GIMAP6: variants seen among roughly 807,000 people sequenced by gnomAD.
GIMAP6 encodes the protein GTPase IMAP family member 6.
Under a neutral mutation model 9.3 loss-of-function variants are expected in GIMAP6, and 6 were observed. The ratio of observed to expected loss-of-function variants is 0.65; its 90% CI spans 0.35 to 1.27. The LOEUF (loss-of-function observed/expected upper bound fraction) is 1.27. Among genes scored for constraint, GIMAP6 ranks in the 50% most tolerant of loss-of-function variants. The pLI, the probability that GIMAP6 is intolerant of heterozygous loss-of-function variation, is 0.03. For missense variants in GIMAP6, 333 were observed against 359.5 expected (o/e 0.93, Z 0.60); for synonymous variants, 156 against 151.1 (o/e 1.03, Z -0.24).
rs151245597 is a variant in GIMAP6, at chr7:150,628,018, G to A, written c.580C>T (p.Arg194Trp). Reference protein sequence around the residue: ...ALAWLDVTLARRHCGFNNRAQ... With the variant: ...ALAWLDVTLAWRHCGFNNRAQ... Reference sequence around the variant, plus strand: ...CTGTTGTTGAAGCCGCAATGGCGCCGTGCAAGGGTCACATCCAGCCAGGCA... The same window carrying A: ...CTGTTGTTGAAGCCGCAATGGCGCCATGCAAGGGTCACATCCAGCCAGGCA... Residue 194 changes from arginine (R) to tryptophan (W), a missense_variant, in exon 3 of 3, where the codon CGG (arginine) becomes TGG (tryptophan). Transcript: ENST00000328902. The A allele has an allele frequency of 1.0e-4, 167 of 1,614,226 alleles. 1 individual carries two copies. The African/African-American group carries it at 1.2e-3, about 11-fold the overall frequency.
At chr7:150,628,858 A>G (rs979284589) in intron 2 of GIMAP6, 6 of 759,778 alleles carry the variant, frequency 7.9e-6, no homozygotes, top group Non-Finnish European at 1.2e-5. Flanking sequence ...CAGAGCACAT[A>G]AAGAAGTGAC....
In GIMAP6 at chr7:150,627,814, C is replaced by T. The variant is rs138414613; in HGVS notation, c.784G>A (p.Val262Met). ...QVSQGQGSED[V>M]PGEESWLEGL... ...TCCAGCCAAGACTCCTCACCAGGCA[C>T]GTCCTCAGAGCCTTGGCCCTGGCTT... is the stretch of plus-strand genomic sequence containing the variant. The change falls in exon 3 of 3, where the codon GTG (valine) becomes ATG (methionine). Residue 262 changes from valine to methionine, a missense_variant. Transcript: ENST00000328902. The T allele has an allele frequency of 1.8e-4, 290 of 1,614,246 alleles. No individual in the cohort carries two copies. The highest frequency in any genetic ancestry group is 3.6e-4 in the East Asian group (16 of 44,886).
Position 150,628,234 on chromosome 7 carries a change from C to T in GIMAP6, c.364G>A (p.Gly122Arg). 6.2e-7 allele frequency: 1 copy of T among 1,614,166 alleles called. No individual in the cohort carries two copies. Among genetic ancestry groups the T allele is most frequent in the Non-Finnish European group, 8.5e-7 (1 of 1,180,002 alleles). Reference protein sequence around the residue: ...ICQAIVLSAPGPHAVLLVTQL... With the variant: ...ICQAIVLSAPRPHAVLLVTQL... Reference sequence around the variant, plus strand: ...GTCACCAGGAGCACGGCGTGGGGCCCTGGGGCGGATAAGACGATGGCTTGG... The same window carrying T: ...GTCACCAGGAGCACGGCGTGGGGCCTTGGGGCGGATAAGACGATGGCTTGG... The change falls in exon 3 of 3, where the codon GGG (glycine) becomes AGG (arginine). Residue 122 changes from glycine (G) to arginine (R), a missense_variant. By Grantham distance (125) the Gly-to-Arg change is moderately radical. Transcript: ENST00000328902.
chr7:150,626,950 A>C lies in GIMAP6; in HGVS notation c.*769T>G, dbSNP rs1796303579. The C allele has an allele frequency of 6.6e-6, 1 of 152,268 alleles. No homozygotes were observed. Among genetic ancestry groups the C allele is most frequent in the Non-Finnish European group, 1.5e-5 (1 of 68,110 alleles). 9.4% of individuals were successfully genotyped at this position (152,268 alleles called of 1,614,324 possible). A position where few individuals can be genotyped will look rare whatever the true frequency, so the allele number is the denominator to read the frequency against. On this transcript the variant is annotated 3_prime_UTR_variant, in exon 3 of 3. Transcript: ENST00000328902. ...GGGGTGGTGTGACCTCCTCTGCCCA[A>C]GTCCACTTGCATCCCTAGGGGCTTC... is the stretch of plus-strand genomic sequence containing the variant.
rs1796287344 is a variant in GIMAP6 at position 150,626,072 on chromosome 7, T to C, written c.*1647A>G. ...CTTTGAGACACTTTTCTGAATCTGT[T>C]AGCAAGAGAAATGCTGAAGCTTTCT... On this transcript the variant is annotated 3_prime_UTR_variant, in exon 3 of 3. Coordinates refer to ENST00000328902, the MANE Select transcript of GIMAP6 (RefSeq NM_024711.6). The C allele has an allele frequency of 1.3e-5, 2 of 152,338 alleles. No homozygotes were observed. The highest frequency in any genetic ancestry group is 2.1e-4 in the South Asian group (1 of 4,830). 9.4% of individuals were successfully genotyped at this position (152,338 alleles called of 1,614,324 possible). A position where few individuals can be genotyped will look rare whatever the true frequency, so the allele number is the denominator to read the frequency against.
At chr7:150,628,784 G>T (rs1796345172) in intron 2 of GIMAP6, 7 of 1,407,282 alleles carry the variant, frequency 5.0e-6, no homozygotes, top group Non-Finnish European at 6.5e-6. Context: ...AAGGTTTTTA[G>T]ATATGACTGG....
At chr7:150,630,538 G>C (rs1414197043) in intron 1 of GIMAP6, among the ~76,000 whole-genome samples, 4 of 152,224 alleles carry the variant, frequency 2.6e-5, no homozygotes, top group African/African-American at 9.7e-5. Context: ...CACAGAAGCA[G>C]GTGTGATTCT....
chr7:150,629,310 G>A (rs1796353091), intron 2 of GIMAP6, among the ~76,000 whole-genome samples: 2 of 152,214 alleles, frequency 1.3e-5, no homozygotes, highest in Non-Finnish European at 2.9e-5. Context: ...GGTCAAACAG[G>A]TGTTACACAG....
Position 150,628,078 on chromosome 7 carries a change from C to T in GIMAP6, c.520G>A (p.Glu174Lys), listed in dbSNP as rs1219694439. ...TTGTTGGTCTCTCGCACATAGTCTT[C>T]CAGGGAGCCGCCAGCCAGGTCTTCC... ...RKEDLAGGSL[E>K]DYVRETNNQA... Residue 174 changes from glutamate to lysine, a missense_variant, in exon 3 of 3, where the codon GAA becomes AAA. Coordinates refer to ENST00000328902, the MANE Select transcript of GIMAP6 (RefSeq NM_024711.6). 4.3e-6 allele frequency: 7 copies of T among 1,614,068 alleles called. No individual in the cohort carries two copies. The highest frequency in any genetic ancestry group is 5.9e-6 in the Non-Finnish European group (7 of 1,180,018).
chr7:150,630,518 G>A (rs1316617854), intron 1 of GIMAP6, among the ~76,000 whole-genome samples: 3 of 152,190 alleles, frequency 2.0e-5, no homozygotes, highest in African/African-American at 7.2e-5. Flanking sequence ...AGGAGGTGGA[G>A]GAAGGGAAGC....
At chr7:150,629,932 G>T in intron 2 of GIMAP6, 126 bp downstream of exon 2, 1 of 710,360 alleles carries the variant, frequency 1.4e-6, no homozygotes, top group Non-Finnish European at 2.4e-6. Flanking sequence ...GATGGTGGCT[G>T]AGGCGGGTAA....
chr7:150,631,838 A>T (rs1462676353), intron 1 of GIMAP6, among the ~76,000 whole-genome samples: 1 of 152,212 alleles, frequency 6.6e-6, no homozygotes, highest in Non-Finnish European at 1.5e-5. Flanking sequence ...CAAGGCAAAA[A>T]GTTCTCCAGA....
At position 150,625,580 on chromosome 7, in the gene GIMAP6, G is replaced by A. The variant is rs1214922592; in HGVS notation, c.*2139C>T. ...GCAAATGATTCTAACTTTTACTTCA[G>A]TAGCTCTGGAGTTTCAAGTCTGTTC... On this transcript the variant is annotated 3_prime_UTR_variant, in exon 3 of 3. Transcript: ENST00000328902. 2.0e-5 allele frequency: 3 copies of A among 152,158 alleles called. No homozygotes were observed. The highest frequency in any genetic ancestry group is 7.2e-5 in the African/African-American group (3 of 41,436). The allele number at this position is 152,158 out of a possible 1,614,324, so 9.4% of individuals were successfully genotyped here. A position where few individuals can be genotyped will look rare whatever the true frequency, so the allele number is the denominator to read the frequency against.
Position 150,628,123 on chromosome 7 carries a change from T to G in GIMAP6, c.475A>C (p.Ile159Leu). 1 of 1,614,116 alleles carries G rather than the reference T, an allele frequency of 6.2e-7. No homozygotes were observed. The highest frequency in any genetic ancestry group is 8.5e-7 in the Non-Finnish European group (1 of 1,180,004). The part of the protein sequence containing the change: ...VFGVGVLGHT[I>L]LVFTRKEDLA... ...TCTTCCTTCCGGGTGAACACCAGGA[T>G]GGTGTGACCCAGAACCCCCACTCCA... The change falls in exon 3 of 3, where the codon ATC (isoleucine) becomes CTC (leucine). Residue 159 changes from isoleucine to leucine, a missense_variant. Coordinates refer to ENST00000328902, the MANE Select transcript of GIMAP6 (RefSeq NM_024711.6).
At chr7:150,628,830 C>T in intron 2 of GIMAP6, 1 of 1,124,932 alleles carries the variant, frequency 8.9e-7, no homozygotes, top group Non-Finnish European at 1.2e-6. Flanking sequence ...TTCTCCTGGC[C>T]TTGCGGGTCC....
chr7:150,628,654 G>A (rs1296372004), intron 2 of GIMAP6, 142 bp from the exon 3 acceptor site: 2 of 1,584,140 alleles, frequency 1.3e-6, no homozygotes, highest in African/African-American at 2.7e-5. Context: ...AACCAGCGCT[G>A]GGCCACCATT....
chr7:150,629,505 C>T (rs908920382), intron 2 of GIMAP6, among the ~76,000 whole-genome samples: 6 of 152,142 alleles, frequency 3.9e-5, no homozygotes, highest in Non-Finnish European at 7.4e-5. Context: ...GGATGAATGA[C>T]GAAGTTGAGC....
chr7:150,629,148 C>A (rs1042364432), intron 2 of GIMAP6, among the ~76,000 whole-genome samples: 1 of 152,242 alleles, frequency 6.6e-6, no homozygotes, highest in Non-Finnish European at 1.5e-5. Flanking sequence ...CCCCACCCAC[C>A]TAGCCCAGTG....
Position 150,628,358 on chromosome 7 carries a change from C to G in GIMAP6, c.240G>C (p.Gln80His), listed in dbSNP as rs758799907. The change falls in exon 3 of 3, where the codon CAG becomes CAC. Residue 80 changes from glutamine (Q) to histidine (H), a missense_variant. Coordinates refer to ENST00000328902, the MANE Select transcript of GIMAP6 (RefSeq NM_024711.6). ...TCCCAGCCCACTCTCGGCTCCGTCT[C>G]TGGGAGGTCTTGGTCACGGGTCTGG... The part of the protein sequence containing the change: ...LSTRPVTKTS[Q>H]RRSREWAGKE... 3 of 1,614,112 alleles carry G rather than the reference C, an allele frequency of 1.9e-6. No homozygotes were observed. The Admixed American group carries it at 5.0e-5, about 27-fold the overall frequency.
Sources: gnomAD v4.1 joint callset for allele counts (sites outside exome capture counted in the v4.1 genomes callset) on GRCh38, gnomAD v4.1.1 for gene constraint, MANE v1.5 for transcripts, NCBI Gene and HGNC (gene_info 2026-07-23, HGNC 2026-07-21) for gene names.